The following PCP4L1 variants were observed in gnomAD, a reference collection of about 807,000 sequenced individuals.
PCP4L1 encodes the protein Purkinje cell protein 4-like protein 1.
A neutral mutation model predicts 9.6 loss-of-function variants in PCP4L1; 9 were observed. The observed-to-expected ratio is 0.94, with a 90% CI of 0.57 to 1.64. PCP4L1 has a LOEUF of 1.64. Among genes scored for constraint, PCP4L1 ranks in the 40% most tolerant of loss-of-function variants. PCP4L1 has a pLI of 0.00. For missense variants in PCP4L1, 81 were observed against 80.8 expected (o/e 1.00, Z -0.01); for synonymous variants, 31 against 28.2 (o/e 1.10, Z -0.31).
At chr1:161,280,569 G>A (rs1669776192) in intron 1 of PCP4L1, among the ~76,000 whole-genome samples, 1 of 151,924 alleles carries the variant, frequency 6.6e-6, no homozygotes, top group South Asian at 2.1e-4. Context: ...TCCCTCTTGA[G>A]CCCATTACAA....
At position 161,285,282 on chromosome 1, in the gene PCP4L1, C is replaced by T. The variant is rs1669891679; in HGVS notation, c.*801C>T. 6.6e-6 allele frequency: 1 copy of T among 152,352 alleles called. No homozygotes were observed. The highest frequency in any genetic ancestry group is 2.1e-4 in the South Asian group (1 of 4,834). 9.4% of individuals were successfully genotyped at this position (152,352 alleles called of 1,614,324 possible). On this transcript the variant is annotated 3_prime_UTR_variant, in exon 3 of 3. Coordinates refer to ENST00000504449, the MANE Select transcript of PCP4L1 (RefSeq NM_001102566.2). ...TTTGCTAACCTGCTCACCGCTAACC[C>T]TCCAAGTCTAACCATCCCCAGAGGC...
intron 1 of PCP4L1, among the ~76,000 whole-genome samples, chr1:161,262,144 C>T (rs1021735085): frequency 6.6e-6 from 1 of 152,036 alleles, no homozygotes; most frequent in African/African-American, 2.4e-5. Flanking sequence ...TATTGAAATG[C>T]CTTCTACCGG....
chr1:161,284,294 A>G, intron 2 of PCP4L1, 45 bp from the exon 3 acceptor site: 1 of 1,613,814 alleles, frequency 6.2e-7, no homozygotes, highest in Non-Finnish European at 8.5e-7. Flanking sequence ...AAGGGTCTAG[A>G]GCAGGTCAGA....
At chr1:161,272,000 A>C (rs1669631735) in intron 1 of PCP4L1, among the ~76,000 whole-genome samples, 1 of 146,232 alleles carries the variant, frequency 6.8e-6, no homozygotes, top group Non-Finnish European at 1.5e-5. Context: ...AGTGGAGACA[A>C]AGTCTATGTT....
Position 161,284,570 on chromosome 1 carries a change from T to C in PCP4L1, c.*89T>C. Reference sequence around the variant, plus strand: ...CATGTATCTTTATCCCTTGTCCCTCTAGCCTTTCCTTGAGGCAAGTTCAAC... The same window carrying C: ...CATGTATCTTTATCCCTTGTCCCTCCAGCCTTTCCTTGAGGCAAGTTCAAC... On this transcript the variant is annotated 3_prime_UTR_variant, in exon 3 of 3. Transcript: ENST00000504449. 6.6e-7 allele frequency: 1 copy of C among 1,504,918 alleles called. No individual in the cohort carries two copies. The highest frequency in any genetic ancestry group is 1.3e-5 in the South Asian group (1 of 79,396). 93.2% of individuals were successfully genotyped at this position (1,504,918 alleles called of 1,614,324 possible).
At chr1:161,273,817 C>T (rs1409668876) in intron 1 of PCP4L1, among the ~76,000 whole-genome samples, 1 of 152,180 alleles carries the variant, frequency 6.6e-6, no homozygotes, top group Admixed American at 6.5e-5. Flanking sequence ...CCCATAATGG[C>T]AGGACTGGAC....
intron 1 of PCP4L1, among the ~76,000 whole-genome samples, chr1:161,263,413 A>C (rs1047359188): frequency 6.6e-6 from 1 of 150,994 alleles, no homozygotes; most frequent in East Asian, 2.0e-4. Context: ...AATTTTTTGT[A>C]TTTTTAGTAG....
At position 161,284,480 on chromosome 1, in the gene PCP4L1, G is replaced by A. The variant is rs753578687; in HGVS notation, c.206G>A (p.Ter69=). 8 of 1,612,144 alleles carry A rather than the reference G, an allele frequency of 5.0e-6. No homozygotes were observed. The highest frequency in any genetic ancestry group is 6.8e-6 in the Non-Finnish European group (8 of 1,179,004). ...AAAAGGAAAAAGGATCCCAGCTCCTGAATGGCCAGGCTTGCCCTTCACCTT... is the reference window on the plus strand; with the variant it reads ...AAAAGGAAAAAGGATCCCAGCTCCTAAATGGCCAGGCTTGCCCTTCACCTT... The part of the protein sequence containing the change: ...FQKRKKDPSS[*] Residue 69 remains the stop codon, a stop_retained_variant, in exon 3 of 3, where the codon TGA becomes TAA. Transcript: ENST00000504449.
rs1297722095 is a variant in PCP4L1 at position 161,283,625 on chromosome 1, T to TCC, written c.10-42_10-41dup. 3 of 1,530,654 alleles carry TCC rather than the reference T, an allele frequency of 2.0e-6. No individual in the cohort carries two copies. The Admixed American group carries it at 5.8e-5, about 30-fold the overall frequency. 94.8% of individuals were successfully genotyped at this position (1,530,654 alleles called of 1,614,324 possible). Reference sequence around the variant, plus strand: ...AAGGTGATGATGCCTTCAAATTACTTCCATGAATATCTAATATTCTGATAT... The same window carrying TCC: ...AAGGTGATGATGCCTTCAAATTACTTCCCCATGAATATCTAATATTCTGATAT... On this transcript the variant is annotated intron_variant, in intron 1 of 2. Transcript: ENST00000504449.
At chr1:161,280,340 T>C (rs956468475) in intron 1 of PCP4L1, among the ~76,000 whole-genome samples, 2 of 152,202 alleles carry the variant, frequency 1.3e-5, no homozygotes, top group African/African-American at 4.8e-5. Context: ...ACTGATGCAC[T>C]AGATCTCACC....
intron 1 of PCP4L1, among the ~76,000 whole-genome samples, chr1:161,260,006 A>T (rs1669390336): frequency 6.6e-6 from 1 of 152,220 alleles, no homozygotes; most frequent in African/African-American, 2.4e-5. Context: ...GAGATAATAT[A>T]TGCCAAATAC....
At chr1:161,278,508 A>G (rs1669740082) in intron 1 of PCP4L1, among the ~76,000 whole-genome samples, 2 of 150,052 alleles carry the variant, frequency 1.3e-5, no homozygotes, top group South Asian at 2.1e-4. Context: ...GGCTCAAGTG[A>G]TCCTCCCATG....
chr1:161,267,469 A>C (rs1669549510), intron 1 of PCP4L1, among the ~76,000 whole-genome samples: 1 of 152,176 alleles, frequency 6.6e-6, no homozygotes, highest in Non-Finnish European at 1.5e-5. Flanking sequence ...CAAGGTTCTA[A>C]CTCACTGCTT....
At chr1:161,276,782 A>T (rs1160224314) in intron 1 of PCP4L1, among the ~76,000 whole-genome samples, 1 of 151,464 alleles carries the variant, frequency 6.6e-6, no homozygotes, top group Non-Finnish European at 1.5e-5. Context: ...AAATATACAT[A>T]TAAATATAAA....
chr1:161,284,410 G>T lies in PCP4L1; in HGVS notation c.136G>T (p.Glu46Ter). The change falls in exon 3 of 3, where the codon GAG (glutamate) becomes TAG (stop). Residue 46 changes from glutamate to a stop codon, truncating the protein, a stop_gained. Transcript: ENST00000504449. LOFTEE classifies it high-confidence loss of function. ...CATTGATCTGACAGCACCAGAAACA[G>T]AGAAGGCTGCCCTTGCTATTCAGGG... ...IDIDLTAPET[E>*]KAALAIQGKF... 1 of 1,614,008 alleles carries T rather than the reference G, an allele frequency of 6.2e-7. No homozygotes were observed. The highest frequency in any genetic ancestry group is 1.3e-5 in the African/African-American group (1 of 75,032).
chr1:161,284,384 A>G lies in PCP4L1; in HGVS notation c.110A>G (p.Asp37Gly). The change falls in exon 3 of 3, where the codon GAC becomes GGC. Residue 37 changes from aspartate to glycine, a missense_variant. Transcript: ENST00000504449. ...AAGGCGGAGGAGGAGGAGGAGATTG[A>G]CATTGATCTGACAGCACCAGAAACA... ...VKKAEEEEEI[D>G]IDLTAPETEK... 1.2e-6 allele frequency: 2 copies of G among 1,613,972 alleles called. No individual in the cohort carries two copies. Among genetic ancestry groups the G allele is most frequent in the Non-Finnish European group, 1.7e-6 (2 of 1,179,870 alleles).
intron 1 of PCP4L1, among the ~76,000 whole-genome samples, chr1:161,263,883 C>CTCAA (rs1669461528): frequency 6.9e-6 from 1 of 144,784 alleles, no homozygotes; most frequent in South Asian, 2.2e-4. Flanking sequence ...CATGCTTGGC[C>CTCAA]TCAATACTTT....
intron 1 of PCP4L1, among the ~76,000 whole-genome samples, chr1:161,278,341 T>A (rs1669736077): frequency 6.6e-6 from 1 of 152,220 alleles, no homozygotes; most frequent in South Asian, 2.1e-4. Flanking sequence ...ATCTTGCTTG[T>A]ACCATTGCAA....
chr1:161,265,732 C>CTTTTT (rs869123262), intron 1 of PCP4L1, among the ~76,000 whole-genome samples: 2 of 76,704 alleles, frequency 2.6e-5, no homozygotes, highest in Non-Finnish European at 2.3e-5. Flanking sequence ...TCCAAAACCA[C>CTTTTT]TTTTTTTTTT....
Sources: allele counts gnomAD v4.1 joint callset (sites outside exome capture counted in the v4.1 genomes callset), GRCh38; gene constraint gnomAD v4.1.1; transcripts MANE v1.5; gene names NCBI Gene and HGNC (gene_info 2026-07-23, HGNC 2026-07-21).